ANP32A: variants seen among roughly 807,000 people sequenced by gnomAD.
ANP32A encodes acidic leucine-rich nuclear phosphoprotein 32 family member A.
A neutral mutation model predicts 33.9 loss-of-function variants in ANP32A; 1 was observed. The observed-to-expected ratio is 0.03, with a 90% CI of 0.01 to 0.14. ANP32A has a LOEUF of 0.14. Ranked by LOEUF, ANP32A falls within the 10% of genes least tolerant of loss-of-function variation. The probability of loss-of-function intolerance (pLI) is 1.00; values close to 1 mark genes in which losing one functional copy is unlikely to be tolerated. For missense variants in ANP32A, 155 were observed against 306.0 expected (o/e 0.51, Z 3.68); for synonymous variants, 115 against 120.5 (o/e 0.95, Z 0.30).
At chr15:68,801,515 C>A (rs1030362782) in intron 1 of ANP32A, among the ~76,000 whole-genome samples, 12 of 151,994 alleles carry the variant, frequency 7.9e-5, no homozygotes, top group Admixed American at 2.6e-4. Context: ...CTCCATGGGA[C>A]CCAATGAGAT....
chr15:68,783,835 C>T (rs1376269286), intron 4 of ANP32A, among the ~76,000 whole-genome samples: 1 of 152,180 alleles, frequency 6.6e-6, no homozygotes, highest in Non-Finnish European at 1.5e-5. Flanking sequence ...AGCACCTGAG[C>T]CTGTGCCCCT....
intron 1 of ANP32A, chr15:68,791,923 G>C (rs1371692486): frequency 1.3e-5 from 2 of 152,696 alleles, no homozygotes; most frequent in Non-Finnish European, 2.9e-5. Context: ...AAAAATGTCA[G>C]CCCAACAGCT....
At chr15:68,803,599 T>C (rs1894168447) in intron 1 of ANP32A, among the ~76,000 whole-genome samples, 1 of 152,144 alleles carries the variant, frequency 6.6e-6, no homozygotes, top group East Asian at 1.9e-4. Context: ...GCCCTGGTGT[T>C]TGATGGAGTG....
chr15:68,811,903 A>ATTT (rs34478230), intron 1 of ANP32A, among the ~76,000 whole-genome samples: 6 of 148,538 alleles, frequency 4.0e-5, no homozygotes, highest in East Asian at 2.0e-4. Flanking sequence ...CACCCGGCTG[A>ATTT]TTTTTTTTTT....
intron 4 of ANP32A, 88 bp downstream of exon 4, chr15:68,784,309 C>A: frequency 4.2e-6 from 6 of 1,442,192 alleles, no homozygotes; most frequent in Non-Finnish European, 5.7e-6. Context: ...CCTCCCAACA[C>A]CCAGCCCACC....
chr15:68,820,710 C>T lies in ANP32A; in HGVS notation c.42G>A (p.Arg14=), dbSNP rs373044896. Residue 14 remains arginine (R), a synonymous_variant, in exon 1 of 7, where the codon AGG becomes AGA. Transcript: ENST00000465139. Reference sequence around the variant, plus strand: ...GGCAAATGCTCACATCAGAGGGCGTCCTGTTCCGCAGCTCTAAATGAATCC... The same window carrying T: ...GGCAAATGCTCACATCAGAGGGCGTTCTGTTCCGCAGCTCTAAATGAATCC... ...GRRIHLELRN[R]TPSDVKELVL... The T allele has an allele frequency of 5.0e-6, 8 of 1,598,362 alleles. No homozygotes were observed. In the African/African-American group the frequency reaches 9.4e-5, roughly 19 times the overall value.
At chr15:68,814,120 C>T (rs565232974) in intron 1 of ANP32A, among the ~76,000 whole-genome samples, 2,002 of 152,182 alleles carry the variant, frequency 0.013, 17 homozygotes, top group Non-Finnish European at 0.019. Context: ...CCACCCGCCT[C>T]GGCCTCCCAA....
intron 4 of ANP32A, among the ~76,000 whole-genome samples, chr15:68,783,831 T>G (rs1893899640): frequency 6.6e-6 from 1 of 152,164 alleles, no homozygotes; most frequent in South Asian, 2.1e-4. Flanking sequence ...CCTGAGCACC[T>G]GAGCCTGTGC....
chr15:68,814,748 C>T (rs534277679), intron 1 of ANP32A, among the ~76,000 whole-genome samples: 3 of 152,250 alleles, frequency 2.0e-5, no homozygotes, highest in African/African-American at 7.2e-5. Flanking sequence ...AGGAAACACG[C>T]ATGGTAGAAA....
Position 68,787,393 on chromosome 15 carries a change from G to C in ANP32A, c.327+20C>G. 6.2e-7 allele frequency: 1 copy of C among 1,614,118 alleles called. No individual in the cohort carries two copies. The highest frequency in any genetic ancestry group is 8.5e-7 in the Non-Finnish European group (1 of 1,179,976). On this transcript the variant is annotated intron_variant, in intron 3 of 6. Coordinates refer to ENST00000465139, the MANE Select transcript of ANP32A (RefSeq NM_006305.4). The stretch of plus-strand genomic sequence containing the variant: ...CCCACCTCCTACCCCTGCAGGGAGG[G>C]GAGGGTCCGAATGACTTACCAGTGG...
At chr15:68,811,797 C>T (rs1327514072) in intron 1 of ANP32A, among the ~76,000 whole-genome samples, 1 of 152,144 alleles carries the variant, frequency 6.6e-6, no homozygotes, top group African/African-American at 2.4e-5. Flanking sequence ...TGCAGTGGCA[C>T]GATATCGGCT....
chr15:68,819,839 C>T (rs1228028430), intron 1 of ANP32A, among the ~76,000 whole-genome samples: 1 of 152,144 alleles, frequency 6.6e-6, no homozygotes, highest in Admixed American at 6.5e-5. Context: ...GTTCGAAAAT[C>T]CCTCCCCCTC....
At chr15:68,801,002 A>G (rs201950546) in intron 1 of ANP32A, among the ~76,000 whole-genome samples, 5 of 141,896 alleles carry the variant, frequency 3.5e-5, no homozygotes, top group Non-Finnish European at 7.8e-5. Context: ...GGAAGGGAAG[A>G]AAGGAGGTGG....
At chr15:68,798,387 C>T (rs1415451695) in intron 1 of ANP32A, among the ~76,000 whole-genome samples, 2 of 152,184 alleles carry the variant, frequency 1.3e-5, no homozygotes, top group African/African-American at 4.8e-5. Context: ...ATCCCACAGC[C>T]GTGGTGTAAG....
chr15:68,789,639 G>A (rs1395942959), intron 1 of ANP32A: 3 of 152,434 alleles, frequency 2.0e-5, no homozygotes, highest in South Asian at 2.1e-4. Flanking sequence ...GAGCACTGGG[G>A]TACACATCTG....
At chr15:68,820,637 C>CAA (rs1287255346) in intron 1 of ANP32A, 61 bp downstream of exon 1, 1 of 1,376,084 alleles carries the variant, frequency 7.3e-7, no homozygotes, top group Non-Finnish European at 1.0e-6. Context: ...AGCGCGCACA[C>CAA]ACACACACAC....
At chr15:68,819,734 C>A (rs1410594929) in intron 1 of ANP32A, among the ~76,000 whole-genome samples, 1 of 152,188 alleles carries the variant, frequency 6.6e-6, no homozygotes, top group Non-Finnish European at 1.5e-5. Flanking sequence ...CCGGAAGGAG[C>A]TGGGGCGAGG....
intron 1 of ANP32A, among the ~76,000 whole-genome samples, chr15:68,794,267 C>T (rs1323123999): frequency 5.3e-5 from 8 of 152,278 alleles, no homozygotes; most frequent in Admixed American, 3.3e-4. Context: ...GCTGTCTGTA[C>T]GGCTTCCTTA....
chr15:68,794,012 A>G (rs1242973088), intron 1 of ANP32A, among the ~76,000 whole-genome samples: 1 of 152,210 alleles, frequency 6.6e-6, no homozygotes, highest in Admixed American at 6.5e-5. Context: ...CTCGAGTCCG[A>G]GAGAACTGGC....
Sources: gnomAD v4.1 joint callset for allele counts (sites outside exome capture counted in the v4.1 genomes callset) on GRCh38, gnomAD v4.1.1 for gene constraint, MANE v1.5 for transcripts, NCBI Gene and HGNC (gene_info 2026-07-23, HGNC 2026-07-21) for gene names.